The following DNMBP variants were observed in gnomAD, a reference collection of about 807,000 sequenced individuals.
DNMBP encodes dynamin-binding protein.
Under a neutral mutation model 150.0 loss-of-function variants are expected in DNMBP, and 87 were observed. That is an observed-to-expected ratio of 0.58 (90% CI 0.49 to 0.69). The LOEUF (loss-of-function observed/expected upper bound fraction) is 0.69. DNMBP is among the 30% of genes least tolerant of loss of function. DNMBP has a pLI of 0.00. For synonymous variants in DNMBP, 711 were observed against 750.4 expected (o/e 0.95, Z 0.86); for missense variants, 1,774 against 1,949.0 (o/e 0.91, Z 1.69).
intron 4 of DNMBP, among the ~76,000 whole-genome samples, chr10:99,954,452 T>C (rs1441435986): frequency 6.6e-6 from 1 of 151,626 alleles, no homozygotes; most frequent in African/African-American, 2.4e-5. Context: ...AAATAAGAAA[T>C]TAGGTAGTGA....
At chr10:99,960,718 A>T (rs938010150) in intron 3 of DNMBP, among the ~76,000 whole-genome samples, 3 of 152,136 alleles carry the variant, frequency 2.0e-5, no homozygotes, top group Admixed American at 2.0e-4. Context: ...AGGCAGAAAA[A>T]TGGCTTGAAC....
chr10:99,890,687 C>T (rs1476170706), intron 11 of DNMBP, among the ~76,000 whole-genome samples: 1 of 152,178 alleles, frequency 6.6e-6, no homozygotes, highest in African/African-American at 2.4e-5. Flanking sequence ...CTCACTCTCA[C>T]CCAGGTTGGA....
At chr10:99,903,381 T>G (rs1463040386) in intron 6 of DNMBP, among the ~76,000 whole-genome samples, 1 of 151,912 alleles carries the variant, frequency 6.6e-6, no homozygotes, top group South Asian at 2.1e-4. Flanking sequence ...TCACCCAGAT[T>G]GGAGTGCACT....
At chr10:99,982,666 G>A (rs2040791056) in intron 1 of DNMBP, among the ~76,000 whole-genome samples, 1 of 151,924 alleles carries the variant, frequency 6.6e-6, no homozygotes, top group Non-Finnish European at 1.5e-5. Flanking sequence ...AAAAAGCACT[G>A]GTGAGGCTGG....
intron 13 of DNMBP, 145 bp downstream of exon 13, chr10:99,886,155 G>C: frequency 1.3e-6 from 1 of 758,682 alleles, no homozygotes; most frequent in African/African-American, 1.8e-5. Flanking sequence ...ACCATCAAGG[G>C]ATTAAGATTT....
chr10:100,007,617 A>G (rs1443438504), intron 1 of DNMBP, among the ~76,000 whole-genome samples: 1 of 152,240 alleles, frequency 6.6e-6, no homozygotes, highest in African/African-American at 2.4e-5. Flanking sequence ...AGAAGAAAAG[A>G]TCTAGAAATC....
chr10:99,930,982 A>C lies in DNMBP; in HGVS notation c.2261-21836T>G, dbSNP rs1381990008. On this transcript the variant is annotated intron_variant, in intron 4 of 16. Transcript: ENST00000324109. ...AGCGAGCTACTCTATCTTTCTCCAG[A>C]GGCCAGAAGATAATGAGTAACTAGT... 20 of 449,788 alleles carry C rather than the reference A, an allele frequency of 4.4e-5. No homozygotes were observed. The East Asian group carries it at 6.9e-4, about 16-fold the overall frequency. 27.9% of individuals were successfully genotyped at this position (449,788 alleles called of 1,614,324 possible). A position where few individuals can be genotyped will look rare whatever the true frequency, so the allele number is the denominator to read the frequency against.
chr10:100,003,935 A>G (rs897537817), intron 1 of DNMBP, among the ~76,000 whole-genome samples: 1 of 152,148 alleles, frequency 6.6e-6, no homozygotes, highest in Non-Finnish European at 1.5e-5. Context: ...AAATTCCTCA[A>G]AAATATAATT....
intron 6 of DNMBP, among the ~76,000 whole-genome samples, chr10:99,900,789 C>T (rs2039727702): frequency 6.6e-6 from 1 of 152,140 alleles, no homozygotes; most frequent in African/African-American, 2.4e-5. Context: ...CACCACCATA[C>T]CCAGCTAATT....
chr10:99,892,480 A>G (rs1204189564), intron 11 of DNMBP, among the ~76,000 whole-genome samples: 1 of 127,480 alleles, frequency 7.8e-6, no homozygotes, highest in Admixed American at 8.4e-5. Flanking sequence ...GCTCTCTGAA[A>G]CATGTGCTGT....
chr10:99,966,729 G>C (rs1316054475), intron 3 of DNMBP, among the ~76,000 whole-genome samples: 1 of 152,128 alleles, frequency 6.6e-6, no homozygotes, highest in East Asian at 1.9e-4. Flanking sequence ...ATAAAGTGAA[G>C]TGTAAGAAAC....
intron 4 of DNMBP, among the ~76,000 whole-genome samples, chr10:99,921,371 T>A (rs1396980904): frequency 5.9e-5 from 9 of 152,222 alleles, no homozygotes; most frequent in Admixed American, 5.2e-4. Context: ...TAACTTCTGA[T>A]ACACACATTC....
chr10:99,907,569 T>C (rs1278959401), intron 6 of DNMBP, among the ~76,000 whole-genome samples: 1 of 151,960 alleles, frequency 6.6e-6, no homozygotes, highest in African/African-American at 2.4e-5. Flanking sequence ...CGCCCAGCTC[T>C]ATTTTTAGTA....
intron 4 of DNMBP, among the ~76,000 whole-genome samples, chr10:99,953,074 T>C (rs2040442187): frequency 6.6e-6 from 1 of 152,192 alleles, no homozygotes; most frequent in African/African-American, 2.4e-5. Flanking sequence ...TTCCTATTTA[T>C]AAATTTTTTC....
chr10:99,964,441 T>G (rs1219310108), intron 3 of DNMBP, among the ~76,000 whole-genome samples: 1 of 151,420 alleles, frequency 6.6e-6, no homozygotes, highest in African/African-American at 2.4e-5. Flanking sequence ...TAATCTCTTA[T>G]TTTGGCTTTG....
At chr10:99,915,108 A>AAAAT (rs10654940) in intron 4 of DNMBP, among the ~76,000 whole-genome samples, 18 of 99,800 alleles carry the variant, frequency 1.8e-4, no homozygotes, top group South Asian at 3.3e-4. Context: ...AAAAAAAAAA[A>AAAAT]ATATATATAT....
intron 9 of DNMBP, among the ~76,000 whole-genome samples, chr10:99,897,104 G>A (rs948551868): frequency 6.6e-6 from 1 of 152,182 alleles, no homozygotes; most frequent in African/African-American, 2.4e-5. Context: ...TTTAAAGTGT[G>A]GAGAAGAATG....
At chr10:99,906,844 T>G (rs922367729) in intron 6 of DNMBP, among the ~76,000 whole-genome samples, 2 of 152,198 alleles carry the variant, frequency 1.3e-5, no homozygotes, top group African/African-American at 4.8e-5. Flanking sequence ...AGCGAGGTAA[T>G]ACATGTTTAA....
intron 1 of DNMBP, among the ~76,000 whole-genome samples, chr10:100,005,360 G>C (rs1416040919): frequency 6.6e-6 from 1 of 152,152 alleles, no homozygotes; most frequent in Non-Finnish European, 1.5e-5. Flanking sequence ...TACACAGAGA[G>C]CAGATAAAGC....
Sources: gnomAD v4.1 joint callset for allele counts (sites outside exome capture counted in the v4.1 genomes callset) on GRCh38, gnomAD v4.1.1 for gene constraint, MANE v1.5 for transcripts, NCBI Gene and HGNC (gene_info 2026-07-23, HGNC 2026-07-21) for gene names.